Variants in DNAH1 observed in about 807,000 individuals in gnomAD.
DNAH1 encodes dynein axonemal heavy chain 1.
In DNAH1, 327 loss-of-function variants were observed where a neutral mutation model predicts 484.3. That is an observed-to-expected ratio of 0.68 (90% confidence interval 0.62 to 0.74). The LOEUF (loss-of-function observed/expected upper bound fraction) is 0.74, where lower values mean the gene tolerates loss of function less well. Ranked by LOEUF, DNAH1 falls within the 30% of genes least tolerant of loss-of-function variation. The pLI is 0.00. For synonymous variants in DNAH1, 2,192 were observed against 2,191.9 expected (o/e 1.00, Z 0.00); for missense variants, 5,052 against 5,546.8 (o/e 0.91, Z 2.83).
chr3:52,317,332 G>A (rs1700982123), intron 1 of DNAH1, among the ~76,000 whole-genome samples: 3 of 152,144 alleles, frequency 2.0e-5, no homozygotes, highest in Non-Finnish European at 4.4e-5. Flanking sequence ...CCCGAGCCGA[G>A]GGGTGTCGGG....
chr3:52,397,700 C>T lies in DNAH1; in HGVS notation c.11788-7C>T. ...AGGGGCTTCCATGTTGGCCTCCTCT[C>T]TCCTAGGGCTACCTCTCCTACATCA... On this transcript the variant is annotated splice_region_variant and splice_polypyrimidine_tract_variant and intron_variant, in intron 73 of 77. Transcript: ENST00000420323. 1 of 1,598,342 alleles carries T rather than the reference C, an allele frequency of 6.3e-7. No individual in the cohort carries two copies. Among genetic ancestry groups the T allele is most frequent in the Non-Finnish European group, 8.5e-7 (1 of 1,172,162 alleles).
chr3:52,356,240 A>C (rs1702604036), intron 21 of DNAH1, among the ~76,000 whole-genome samples: 1 of 152,198 alleles, frequency 6.6e-6, no homozygotes, highest in Admixed American at 6.5e-5. Context: ...TCCTGGGGTC[A>C]TGGACCCAGA....
intron 1 of DNAH1, among the ~76,000 whole-genome samples, chr3:52,318,238 C>G (rs545731717): frequency 2.3e-4 from 35 of 152,292 alleles, no homozygotes; most frequent in South Asian, 6.2e-4. Context: ...TTTGTAGAGA[C>G]GGGGTTTCAC....
chr3:52,346,350 TC>T (rs1337482645), intron 10 of DNAH1, 121 bp from the exon 11 acceptor site: 13 of 1,050,234 alleles, frequency 1.2e-5, no homozygotes, highest in Middle Eastern at 3.0e-4. Flanking sequence ...GTAGGGGACA[TC>T]CCTCCACAGT....
Position 52,360,410 on chromosome 3 carries a change from G to T in DNAH1, c.4671G>T (p.Thr1557=), listed in dbSNP as rs374299473. ...YLGNSGRLVI[T]PLTDRCYLTL... Reference sequence around the variant, plus strand: ...GCAACAGTGGGAGGCTGGTGATCACGCCCCTCACCGACAGGTAAGCGTTCC... The same window carrying T: ...GCAACAGTGGGAGGCTGGTGATCACTCCCCTCACCGACAGGTAAGCGTTCC... Residue 1557 remains threonine (T), a synonymous_variant, in exon 28 of 78, where the codon ACG becomes ACT. Coordinates refer to ENST00000420323, the MANE Select transcript of DNAH1 (RefSeq NM_015512.5). 1.9e-6 allele frequency: 3 copies of T among 1,613,446 alleles called. No individual in the cohort carries two copies. The highest frequency in any genetic ancestry group is 2.5e-6 in the Non-Finnish European group (3 of 1,179,650).
chr3:52,378,914 C>T, intron 47 of DNAH1, 134 bp downstream of exon 47: 4 of 1,161,270 alleles, frequency 3.4e-6, no homozygotes, highest in Non-Finnish European at 4.9e-6. Context: ...GCCAGGCCCT[C>T]CAGAGCCCAG....
In DNAH1 at chr3:52,344,485, G is replaced by T; in HGVS notation, c.1287-5G>T. ...GATTCCCCCATCTCCCATCTCTATG[G>T]GCAGGGTTCTAGAGCACCTCAGCAG... On this transcript the variant is annotated splice_polypyrimidine_tract_variant and splice_region_variant and intron_variant, in intron 8 of 77. Coordinates refer to ENST00000420323, the MANE Select transcript of DNAH1 (RefSeq NM_015512.5). 1.9e-6 allele frequency: 3 copies of T among 1,612,636 alleles called. No individual in the cohort carries two copies. Among genetic ancestry groups the T allele is most frequent in the Non-Finnish European group, 2.5e-6 (3 of 1,178,850 alleles).
At position 52,349,291 on chromosome 3, in the gene DNAH1, C is replaced by T. The variant is rs1223798970; in HGVS notation, c.2397C>T (p.Ser799=). ...EKEILDSSLP[S]SIIIGPFYIN... ...AGATCCTGGACAGCTCGCTGCCCAGCAGCATCATCATTGGGCCTTTCTACA... is the reference window on the plus strand; with the variant it reads ...AGATCCTGGACAGCTCGCTGCCCAGTAGCATCATCATTGGGCCTTTCTACA... The change falls in exon 14 of 78, where the codon AGC becomes AGT. Residue 799 remains serine (S), a synonymous_variant. Transcript: ENST00000420323. 6.2e-7 allele frequency: 1 copy of T among 1,614,028 alleles called. No individual in the cohort carries two copies.
rs373161986 is a variant in DNAH1, at chr3:52,386,136, C to T, written c.8626-24C>T. 22 of 1,599,470 alleles carry T rather than the reference C, an allele frequency of 1.4e-5. No individual in the cohort carries two copies. The African/African-American group carries it at 2.4e-4, about 18-fold the overall frequency. On this transcript the variant is annotated intron_variant, in intron 54 of 77. Transcript: ENST00000420323. ...GCAGAGAAGAGAAAAGGGGGGAGGA[C>T]ATCCCTATGTCTCCCATCCCCAGGT...
chr3:52,351,883 G>A, intron 16 of DNAH1, 79 bp from the exon 17 acceptor site: 1 of 1,518,088 alleles, frequency 6.6e-7, no homozygotes, highest in African/African-American at 1.4e-5. Context: ...GGTGCCTGGT[G>A]GGATGCCCCT....
At position 52,332,364 on chromosome 3, in the gene DNAH1, T is replaced by TGA; in HGVS notation, c.1258_1259dup (p.Ser420ArgfsTer13). ...CTGAGCAAGATCAAGCAGTGGGCCC[T>TGA]GAGCACGCCTCGGATGCGCAAAGGC... On this transcript the variant is annotated frameshift_variant, in exon 8 of 78. Coordinates refer to ENST00000420323, the MANE Select transcript of DNAH1 (RefSeq NM_015512.5). LOFTEE classifies it high-confidence loss of function. 1 of 1,613,828 alleles carries TGA rather than the reference T, an allele frequency of 6.2e-7. No individual in the cohort carries two copies. The highest frequency in any genetic ancestry group is 8.5e-7 in the Non-Finnish European group (1 of 1,179,896).
chr3:52,374,219 A>T lies in DNAH1; in HGVS notation c.6986-1021A>T, dbSNP rs559976863. The T allele has an allele frequency of 1.3e-4, 173 of 1,380,432 alleles. 1 individual carries two copies. The East Asian group carries it at 3.9e-3, about 31-fold the overall frequency. 85.5% of individuals were successfully genotyped at this position (1,380,432 alleles called of 1,614,324 possible). The stretch of plus-strand genomic sequence containing the variant: ...TTATGAAACAGAGCATCATAATGGC[A>T]TAGCAGAGTTACTGGAAATATTGGG... On this transcript the variant is annotated intron_variant, in intron 44 of 77. Coordinates refer to ENST00000420323, the MANE Select transcript of DNAH1 (RefSeq NM_015512.5).
At chr3:52,336,194 A>G (rs1472380769) in intron 8 of DNAH1, among the ~76,000 whole-genome samples, 1 of 152,212 alleles carries the variant, frequency 6.6e-6, no homozygotes, top group East Asian at 1.9e-4. Context: ...CAAGGCCAAC[A>G]TCCAGAATGG....
At chr3:52,330,792 C>T (rs988355152) in intron 6 of DNAH1, among the ~76,000 whole-genome samples, 4 of 152,264 alleles carry the variant, frequency 2.6e-5, no homozygotes, top group African/African-American at 7.2e-5. Flanking sequence ...CAACTCATTC[C>T]TGACCTTTAC....
At chr3:52,340,926 AG>A (rs1701914581) in intron 8 of DNAH1, among the ~76,000 whole-genome samples, 1 of 151,896 alleles carries the variant, frequency 6.6e-6, no homozygotes, top group South Asian at 2.1e-4. Context: ...GTTGTGCTAA[AG>A]GTGTGGGTTT....
intron 16 of DNAH1, among the ~76,000 whole-genome samples, chr3:52,351,220 C>T (rs1702366102): frequency 6.6e-6 from 1 of 152,198 alleles, no homozygotes; most frequent in African/African-American, 2.4e-5. Flanking sequence ...TTCTTGGGAG[C>T]ACTGAGAGAG....
chr3:52,367,019 C>T, intron 36 of DNAH1, 132 bp downstream of exon 36: 1 of 1,121,232 alleles, frequency 8.9e-7, no homozygotes, highest in Non-Finnish European at 1.3e-6. Context: ...GGATTCTATT[C>T]TCCATTCTAC....
chr3:52,393,032 C>A lies in DNAH1; in HGVS notation c.10474+7C>A. ...GCCAACTCAGAGAGAGCAGGTAGCA[C>A]CGGCATGCCAGGCTCCTACCCTGCA... is the stretch of plus-strand genomic sequence containing the variant. On this transcript the variant is annotated splice_region_variant and intron_variant, in intron 65 of 77. Transcript: ENST00000420323. The A allele has an allele frequency of 2.5e-6, 4 of 1,612,118 alleles. No individual in the cohort carries two copies. The highest frequency in any genetic ancestry group is 2.5e-6 in the Non-Finnish European group (3 of 1,178,646).
chr3:52,361,543 G>GA lies in DNAH1; in HGVS notation c.4875-117dup, dbSNP rs1702857541. ...GTGGCAGTGGGTTGAAGACTGAGCT[G>GA]ATGGAGATTGCCCCTGAGGGCTTCC... is the stretch of plus-strand genomic sequence containing the variant. On this transcript the variant is annotated intron_variant, in intron 29 of 77. Transcript: ENST00000420323. This position sits in a 1 kb window ranked among gnomAD's most constrained non-coding sequence, Gnocchi z 5.6. 7 of 1,279,422 alleles carry GA rather than the reference G, an allele frequency of 5.5e-6. No homozygotes were observed. The highest frequency in any genetic ancestry group is 7.6e-6 in the Non-Finnish European group (7 of 919,470). 79.3% of individuals were successfully genotyped at this position (1,279,422 alleles called of 1,614,324 possible).
Sources: allele counts gnomAD v4.1 joint callset (sites outside exome capture counted in the v4.1 genomes callset), GRCh38; gene constraint gnomAD v4.1.1; non-coding constraint Gnocchi (gnomAD v3.1); transcripts MANE v1.5; gene names NCBI Gene and HGNC (gene_info 2026-07-23, HGNC 2026-07-21).